Variants in RAB11FIP4 observed in about 807,000 individuals in gnomAD.
The protein encoded by RAB11FIP4 is rab11 family-interacting protein 4.
In RAB11FIP4, 23 loss-of-function variants were observed where a neutral mutation model predicts 74.3. That is an observed-to-expected ratio of 0.31 (90% confidence interval 0.22 to 0.44). RAB11FIP4 has a LOEUF of 0.44. RAB11FIP4 is among the 20% of genes least tolerant of loss of function. The probability of loss-of-function intolerance (pLI) is 1.00; values close to 1 mark genes in which losing one functional copy is unlikely to be tolerated. For synonymous variants in RAB11FIP4, 360 were observed against 359.9 expected (o/e 1.00, Z 0.00); for missense variants, 630 against 863.9 (o/e 0.73, Z 3.39).
At chr17:31,442,756 T>TGAGG (rs1460518743) in intron 3 of RAB11FIP4, among the ~76,000 whole-genome samples, 33 of 152,160 alleles carry the variant, frequency 2.2e-4, no homozygotes, top group Middle Eastern at 3.4e-3. Flanking sequence ...GGTCAGGAGT[T>TGAGG]TGAGACCAGC....
rs114613013 is a variant in RAB11FIP4 at position 31,521,783 on chromosome 17, C to T, written c.759-132C>T. 1,263 of 1,003,202 alleles carry T rather than the reference C, an allele frequency of 1.3e-3. 15 individuals are homozygous for T. The African/African-American group carries it at 0.018, about 14-fold the overall frequency. 62.1% of individuals were successfully genotyped at this position (1,003,202 alleles called of 1,614,324 possible). A position where few individuals can be genotyped will look rare whatever the true frequency, so the allele number is the denominator to read the frequency against. The stretch of plus-strand genomic sequence containing the variant: ...GAAGGGATGATCTGTTGCTATATTT[C>T]CACTCCCTGCCCCTCCCCCGTAACA... On this transcript the variant is annotated intron_variant, in intron 5 of 14. Transcript: ENST00000621161.
At position 31,534,971 on chromosome 17, in the gene RAB11FIP4, T is replaced by C. The variant is rs1286003800; in HGVS notation, c.*3239T>C. 1.3e-5 allele frequency: 2 copies of C among 154,350 alleles called. No homozygotes were observed. The highest frequency in any genetic ancestry group is 2.9e-5 in the Non-Finnish European group (2 of 68,216). The allele number at this position is 154,350 out of a possible 1,614,324, so 9.6% of individuals were successfully genotyped here. On this transcript the variant is annotated 3_prime_UTR_variant, in exon 15 of 15. Coordinates refer to ENST00000621161, the MANE Select transcript of RAB11FIP4 (RefSeq NM_032932.6). Reference sequence around the variant, plus strand: ...TTCTGGTTCAGCTAGTCCCTGTGCGTTGAGAGGCTTTAAGAAACTTCTAGT... The same window carrying C: ...TTCTGGTTCAGCTAGTCCCTGTGCGCTGAGAGGCTTTAAGAAACTTCTAGT...
At chr17:31,514,787 G>A (rs1013350684) in intron 3 of RAB11FIP4, among the ~76,000 whole-genome samples, 7 of 152,202 alleles carry the variant, frequency 4.6e-5, no homozygotes, top group African/African-American at 9.6e-5. Context: ...AGGTGTCCCC[G>A]CACTAACCTG....
chr17:31,446,518 A>C (rs1393667335), intron 3 of RAB11FIP4, among the ~76,000 whole-genome samples: 1 of 152,138 alleles, frequency 6.6e-6, no homozygotes, highest in African/African-American at 2.4e-5. Context: ...CACTGGGTAC[A>C]GTGTTAGGAG....
In RAB11FIP4 at chr17:31,536,936, G is replaced by A. The variant is rs1551358; in HGVS notation, c.*5204G>A. ...CATATGACCTCCCTGCCCCGACCTC[G>A]TAGGTTGCTCCTTTCCCCATCTGTA... On this transcript the variant is annotated 3_prime_UTR_variant, in exon 15 of 15. Transcript: ENST00000621161. 1 of 398,628 alleles carries A rather than the reference G, an allele frequency of 2.5e-6. No individual in the cohort carries two copies. The highest frequency in any genetic ancestry group is 4.4e-6 in the Non-Finnish European group (1 of 226,012). 24.7% of individuals were successfully genotyped at this position (398,628 alleles called of 1,614,324 possible).
chr17:31,476,759 T>A lies in RAB11FIP4; in HGVS notation c.337-40892T>A, dbSNP rs185037773. Among the ~76,000 whole-genome samples the A allele has an allele frequency of 8.5e-5, 13 of 152,352 alleles. No homozygotes were observed. In the East Asian group the frequency reaches 2.1e-3, roughly 25 times the overall value. ...GTGAACACAGAAGCTCCTTCAGCCC[T>A]CCTGGGCTGCAGCCACAGAGCTGTT... On this transcript the variant is annotated intron_variant, in intron 3 of 14. Coordinates refer to ENST00000621161, the MANE Select transcript of RAB11FIP4 (RefSeq NM_032932.6).
intron 1 of RAB11FIP4, among the ~76,000 whole-genome samples, chr17:31,414,734 G>C (rs927798445): frequency 6.6e-6 from 1 of 152,196 alleles, no homozygotes; most frequent in Non-Finnish European, 1.5e-5. Flanking sequence ...GCACTCCAAA[G>C]CCGCACAGGC....
intron 3 of RAB11FIP4, among the ~76,000 whole-genome samples, chr17:31,438,947 TA>T (rs199618276): frequency 5.3e-5 from 8 of 151,650 alleles, no homozygotes; most frequent in South Asian, 2.1e-4. Context: ...CTGCTTCTCT[TA>T]AAAAAAAAAT....
At chr17:31,456,840 T>TA (rs1478213895) in intron 3 of RAB11FIP4, among the ~76,000 whole-genome samples, 1 of 152,150 alleles carries the variant, frequency 6.6e-6, no homozygotes, top group Non-Finnish European at 1.5e-5. Context: ...AAAGGATTAT[T>TA]ATTGCCTGGG....
At chr17:31,438,803 C>T (rs543483568) in intron 3 of RAB11FIP4, among the ~76,000 whole-genome samples, 14 of 152,160 alleles carry the variant, frequency 9.2e-5, no homozygotes, top group Non-Finnish European at 1.9e-4. Flanking sequence ...CAGGAGCTAA[C>T]GTCTACTCAC....
intron 3 of RAB11FIP4, among the ~76,000 whole-genome samples, chr17:31,473,377 CAAAAAAA>C (rs10562376): frequency 6.8e-6 from 1 of 147,140 alleles, no homozygotes; most frequent in Non-Finnish European, 1.5e-5. Context: ...CAGTCTCTAC[CAAAAAAA>C]AAAAAAAAAT....
rs568893436 is a variant in RAB11FIP4 at position 31,520,697 on chromosome 17, T to C, written c.564-469T>C. 3.1e-3 allele frequency among the ~76,000 whole-genome samples: 471 copies of C among 152,194 alleles called. 2 individuals carry two copies. The highest frequency in any genetic ancestry group is 0.014 in the Middle Eastern group (4 of 294). ...TAATTTTTTGTATTTCTAGTAGAGTTGGGGTTTCACCATGTTAGCCAGGAT... is the reference window on the plus strand; with the variant it reads ...TAATTTTTTGTATTTCTAGTAGAGTCGGGGTTTCACCATGTTAGCCAGGAT... On this transcript the variant is annotated intron_variant, in intron 4 of 14. Transcript: ENST00000621161.
At chr17:31,519,168 C>T (rs890455174) in intron 4 of RAB11FIP4, among the ~76,000 whole-genome samples, 1 of 152,030 alleles carries the variant, frequency 6.6e-6, no homozygotes, top group Non-Finnish European at 1.5e-5. Context: ...GTGCCCACCA[C>T]CACGCCTGGC....
At position 31,528,479 on chromosome 17, in the gene RAB11FIP4, G is replaced by T; in HGVS notation, c.1430G>T (p.Arg477Leu). 5 of 1,613,766 alleles carry T rather than the reference G, an allele frequency of 3.1e-6. No individual in the cohort carries two copies. The highest frequency in any genetic ancestry group is 4.2e-6 in the Non-Finnish European group (5 of 1,180,048). ...AAAGATGAGATGGACCTGTACAAGC[G>T]CATGATGGACAAGCTGCGACAGAAC... is the stretch of plus-strand genomic sequence containing the variant. ...RLKDEMDLYK[R>L]MMDKLRQNRL... Residue 477 changes from arginine (R) to leucine (L), a missense_variant, in exon 12 of 15, where the codon CGC (arginine) becomes CTC (leucine). Transcript: ENST00000621161.
intron 3 of RAB11FIP4, among the ~76,000 whole-genome samples, chr17:31,449,559 G>T (rs140576795): frequency 8.5e-4 from 130 of 152,182 alleles, no homozygotes; most frequent in Middle Eastern, 3.4e-3. Context: ...ACTTCTTTTT[G>T]AGACAGGGGT....
At position 31,427,769 on chromosome 17, in the gene RAB11FIP4, G is replaced by A. The variant is rs144218229; in HGVS notation, c.160-4044G>A. ...TTCACAGGCCCCCTATAATGCCAGC[G>A]ATGCAAAGGCAGGAGGAGAGGAGGC... On this transcript the variant is annotated intron_variant, in intron 1 of 14. Coordinates refer to ENST00000621161, the MANE Select transcript of RAB11FIP4 (RefSeq NM_032932.6). 9.8e-4 allele frequency among the ~76,000 whole-genome samples: 150 copies of A among 152,324 alleles called. 1 individual carries two copies. Among genetic ancestry groups the A allele is most frequent in the African/African-American group, 3.4e-3 (141 of 41,570 alleles).
intron 1 of RAB11FIP4, among the ~76,000 whole-genome samples, chr17:31,426,343 C>G (rs1597909852): frequency 1.3e-5 from 2 of 152,290 alleles, no homozygotes; most frequent in East Asian, 3.9e-4. Context: ...GTCTTACCCT[C>G]TCTGAGCCTC....
chr17:31,406,110 G>A (rs2071039180), intron 1 of RAB11FIP4, among the ~76,000 whole-genome samples: 1 of 152,242 alleles, frequency 6.6e-6, no homozygotes, highest in Non-Finnish European at 1.5e-5. Context: ...AAGCAGGGTG[G>A]GGCCCAGGGA....
intron 3 of RAB11FIP4, among the ~76,000 whole-genome samples, chr17:31,508,766 G>A (rs541757859): frequency 6.6e-6 from 1 of 152,296 alleles, no homozygotes; most frequent in East Asian, 1.9e-4. Context: ...GCTCCCAGGA[G>A]GTTATCTGAC....
Sources: gnomAD v4.1 joint callset for allele counts (sites outside exome capture counted in the v4.1 genomes callset) on GRCh38, gnomAD v4.1.1 for gene constraint, MANE v1.5 for transcripts, NCBI Gene and HGNC (gene_info 2026-07-23, HGNC 2026-07-21) for gene names.